Variants in TCP11L2 observed in about 807,000 individuals in gnomAD.
TCP11L2 encodes t-complex 11 like 2.
In TCP11L2, 39 loss-of-function variants were observed where a neutral mutation model predicts 50.7. The ratio of observed to expected loss-of-function variants is 0.77; its 90% confidence interval spans 0.60 to 1.01. The LOEUF (loss-of-function observed/expected upper bound fraction) is 1.01. Ranked by LOEUF, TCP11L2 falls within the 50% of genes least tolerant of loss-of-function variation. The pLI is 0.00. For synonymous variants in TCP11L2, 192 were observed against 219.3 expected (o/e 0.88, Z 1.10); for missense variants, 612 against 614.7 (o/e 1.00, Z 0.05).
At chr12:106,340,424 G>T (rs2036059308) in intron 8 of TCP11L2, among the ~76,000 whole-genome samples, 1 of 152,206 alleles carries the variant, frequency 6.6e-6, no homozygotes, top group South Asian at 2.1e-4. Context: ...AGGCATAGAT[G>T]AATTGAGTCT....
At chr12:106,318,496 G>A (rs192101376) in intron 4 of TCP11L2, 32 bp downstream of exon 4, 38 of 1,609,682 alleles carry the variant, frequency 2.4e-5, no homozygotes, top group Admixed American at 1.0e-4. Flanking sequence ...GTCAGTTAGC[G>A]TCTTACTCCA....
chr12:106,317,068 C>T (rs1255783667), intron 3 of TCP11L2, among the ~76,000 whole-genome samples: 1 of 152,210 alleles, frequency 6.6e-6, no homozygotes, highest in Non-Finnish European at 1.5e-5. Context: ...CTACTCACTT[C>T]AAATGCATAC....
chr12:106,314,576 T>TGTGTGAGAGAGA (rs1469308055), intron 3 of TCP11L2, 83 bp downstream of exon 3: 1 of 252,998 alleles, frequency 4.0e-6, no homozygotes, highest in African/African-American at 4.1e-5. Flanking sequence ...TGTGTGTGTG[T>TGTGTGAGAGAGA]GAGAGAGAGA....
chr12:106,325,054 T>C (rs1339587320), intron 6 of TCP11L2: 3 of 152,240 alleles, frequency 2.0e-5, no homozygotes, highest in African/African-American at 4.8e-5. Flanking sequence ...TAGTTAACAC[T>C]TAGAAAATCC....
intron 9 of TCP11L2, among the ~76,000 whole-genome samples, chr12:106,342,854 C>T (rs981391691): frequency 9.9e-5 from 15 of 152,126 alleles, no homozygotes; most frequent in African/African-American, 3.6e-4. Context: ...GCCAGAGTGT[C>T]AGAGTGTACT....
In TCP11L2 at chr12:106,346,271, T is replaced by A. The variant is rs1565864943; in HGVS notation, c.1316-15T>A. On this transcript the variant is annotated splice_polypyrimidine_tract_variant and intron_variant, in intron 9 of 9. Coordinates refer to ENST00000299045, the MANE Select transcript of TCP11L2 (RefSeq NM_152772.3). ...TAATAATGGACAGATAAAAGTATCTTTTTTTCCCCTTCAGATAAACGAATT... is the reference window on the plus strand; with the variant it reads ...TAATAATGGACAGATAAAAGTATCTATTTTTCCCCTTCAGATAAACGAATT... The A allele has an allele frequency of 3.2e-6, 5 of 1,587,118 alleles. No individual in the cohort carries two copies. Among genetic ancestry groups the A allele is most frequent in the Non-Finnish European group, 3.4e-6 (4 of 1,167,314 alleles).
intron 6 of TCP11L2, chr12:106,329,692 A>C: frequency 8.8e-7 from 1 of 1,133,644 alleles, no homozygotes; most frequent in Non-Finnish European, 1.1e-6. Flanking sequence ...CAAGGTAACT[A>C]AATGGGCTCT....
At chr12:106,330,601 C>T (rs576186912) in intron 6 of TCP11L2, among the ~76,000 whole-genome samples, 79 of 152,216 alleles carry the variant, frequency 5.2e-4, no homozygotes, top group African/African-American at 1.5e-3. Context: ...GAATCCATTT[C>T]GTGATGACCC....
chr12:106,306,555 C>T (rs993680396), intron 1 of TCP11L2, among the ~76,000 whole-genome samples: 2 of 152,126 alleles, frequency 1.3e-5, no homozygotes, highest in African/African-American at 4.8e-5. Context: ...GTATAGGATC[C>T]ACTCTAGGAT....
At chr12:106,314,558 TGTGTGTGTGTGTGTGTGTGAGAGA>T (rs1043188567) in intron 3 of TCP11L2, 65 bp downstream of exon 3, 3 of 924,080 alleles carry the variant, frequency 3.2e-6, no homozygotes, top group African/African-American at 4.5e-5. Context: ...TGTGTGTGTG[TGTGTGTGTGTGTGTGTGTGAGAGA>T]GAGAGAGAGA....
chr12:106,346,314 G>A lies in TCP11L2; in HGVS notation c.1344G>A (p.Arg448=), dbSNP rs752127793. 6 of 1,612,474 alleles carry A rather than the reference G, an allele frequency of 3.7e-6. No homozygotes were observed. Among genetic ancestry groups the A allele is most frequent in the Non-Finnish European group, 5.1e-6 (6 of 1,179,032 alleles). ...AACGAATTAAGCTTTACATGAGAAG[G>A]CTACTTTGTCTTCCAAGCCCTCAAA... ...IDKRIKLYMR[R]LLCLPSPQKC... The change falls in exon 10 of 10, where the codon AGG becomes AGA. Residue 448 remains arginine, a synonymous_variant. Coordinates refer to ENST00000299045, the MANE Select transcript of TCP11L2 (RefSeq NM_152772.3).
upstream of TCP11L2, among the ~76,000 whole-genome samples, chr12:106,297,951 A>AG (rs1390717188): frequency 3.9e-5 from 6 of 152,274 alleles, no homozygotes; most frequent in South Asian, 1.0e-3. Context: ...TCTGCTTCCC[A>AG]GGGGACAACA....
intron 4 of TCP11L2, among the ~76,000 whole-genome samples, chr12:106,319,353 C>A (rs1459035913): frequency 6.6e-6 from 1 of 152,166 alleles, no homozygotes; most frequent in African/African-American, 2.4e-5. Flanking sequence ...GAGGAAAACA[C>A]AAATATTGAA....
chr12:106,327,308 C>G (rs2035585314), intron 6 of TCP11L2, among the ~76,000 whole-genome samples: 1 of 152,134 alleles, frequency 6.6e-6, no homozygotes, highest in African/African-American at 2.4e-5. Flanking sequence ...ATTCTCCTGT[C>G]TCAGCTTCCC....
At chr12:106,320,969 G>C (rs1379677662) in intron 4 of TCP11L2, among the ~76,000 whole-genome samples, 1 of 151,954 alleles carries the variant, frequency 6.6e-6, no homozygotes, top group African/African-American at 2.4e-5. Context: ...TCATTATCTT[G>C]TTTTTATTAA....
chr12:106,346,631 G>C lies in TCP11L2; in HGVS notation c.*101G>C. 1 of 1,457,594 alleles carries C rather than the reference G, an allele frequency of 6.9e-7. No homozygotes were observed. The highest frequency in any genetic ancestry group is 1.4e-5 in the South Asian group (1 of 73,784). The allele number at this position is 1,457,594 out of a possible 1,614,324, so 90.3% of individuals were successfully genotyped here. A position where few individuals can be genotyped will look rare whatever the true frequency, so the allele number is the denominator to read the frequency against. On this transcript the variant is annotated 3_prime_UTR_variant, in exon 10 of 10. Coordinates refer to ENST00000299045, the MANE Select transcript of TCP11L2 (RefSeq NM_152772.3). ...AGATCCAGCACATTCTCAGTACTGT[G>C]GTGCAGTATTAGCCCAAATCTGTGT...
At chr12:106,340,490 C>T (rs1023629979) in intron 8 of TCP11L2, among the ~76,000 whole-genome samples, 1 of 152,202 alleles carries the variant, frequency 6.6e-6, no homozygotes, top group Non-Finnish European at 1.5e-5. Context: ...CTCAGACCAA[C>T]AAGTTTAAGA....
chr12:106,321,820 C>G (rs763610462), intron 5 of TCP11L2, 114 bp downstream of exon 5: 13 of 820,040 alleles, frequency 1.6e-5, no homozygotes, highest in Non-Finnish European at 2.4e-5. Context: ...ATTACTGACC[C>G]TAGAAGAAAA....
chr12:106,299,512 T>G (rs969857888), upstream of TCP11L2, among the ~76,000 whole-genome samples: 4 of 152,116 alleles, frequency 2.6e-5, no homozygotes, highest in African/African-American at 9.7e-5. Context: ...GTATTAAGAA[T>G]CTCAACACAA....
Sources: gnomAD v4.1 joint callset for allele counts (sites outside exome capture counted in the v4.1 genomes callset) on GRCh38, gnomAD v4.1.1 for gene constraint, MANE v1.5 for transcripts, NCBI Gene and HGNC (gene_info 2026-07-23, HGNC 2026-07-21) for gene names.